Variants in PBX1 observed in about 807,000 individuals in gnomAD.
PBX1 encodes PBX homeobox 1, also known as pre-B-cell leukemia transcription factor 1.
Under a neutral mutation model 53.4 loss-of-function variants are expected in PBX1, and 6 were observed. The observed-to-expected ratio is 0.11, with a 90% CI of 0.06 to 0.22. PBX1 has a LOEUF of 0.22. PBX1 is among the 10% of genes least tolerant of loss of function. PBX1 has a pLI of 1.00. For synonymous variants in PBX1, 204 were observed against 212.3 expected (o/e 0.96, Z 0.34); for missense variants, 251 against 551.4 (o/e 0.46, Z 5.46).
intron 2 of PBX1, among the ~76,000 whole-genome samples, chr1:164,872,215 A>G (rs923288651): frequency 2.6e-4 from 39 of 152,194 alleles, no homozygotes; most frequent in Admixed American, 2.5e-3. Flanking sequence ...TTCACAGGCA[A>G]TCCTGCAGCC....
chr1:164,700,349 C>G, intron 2 of PBX1: 2 of 587,866 alleles, frequency 3.4e-6, no homozygotes, highest in Non-Finnish European at 4.3e-6. Flanking sequence ...GCCAGGATTG[C>G]TGGGTTATGG....
At chr1:164,825,802 T>G (rs993082698) in intron 8 of PBX1, among the ~76,000 whole-genome samples, 3 of 152,204 alleles carry the variant, frequency 2.0e-5, no homozygotes, top group African/African-American at 7.2e-5. Flanking sequence ...TCCCTGTGTT[T>G]CTATACTAAA....
intron 2 of PBX1, among the ~76,000 whole-genome samples, chr1:164,656,073 T>C (rs957472714): frequency 6.6e-6 from 1 of 152,190 alleles, no homozygotes; most frequent in African/African-American, 2.4e-5. Flanking sequence ...GAAATGATAT[T>C]TTTAAAAGAG....
intron 2 of PBX1, among the ~76,000 whole-genome samples, chr1:164,689,055 G>A (rs766605288): frequency 1.3e-5 from 2 of 152,222 alleles, no homozygotes; most frequent in Non-Finnish European, 2.9e-5. Context: ...GGCTCCTATC[G>A]AGCTGGGGAA....
chr1:164,580,901 C>G (rs774148463), intron 2 of PBX1, among the ~76,000 whole-genome samples: 7 of 152,094 alleles, frequency 4.6e-5, no homozygotes, highest in Non-Finnish European at 1.0e-4. Context: ...TGACTTCTTT[C>G]AGGTAACAAG....
intron 2 of PBX1, among the ~76,000 whole-genome samples, chr1:164,710,502 C>T (rs1457815168): frequency 6.6e-6 from 1 of 152,118 alleles, no homozygotes; most frequent in East Asian, 1.9e-4. Context: ...ACCTCCACCT[C>T]CTGGGTTCAA....
chr1:164,648,335 A>G (rs1659589724), intron 2 of PBX1, among the ~76,000 whole-genome samples: 1 of 152,194 alleles, frequency 6.6e-6, no homozygotes. Context: ...AGTGTAGCCC[A>G]TTTGGCTTGT....
At position 164,847,099 on chromosome 1, in the gene PBX1, T is replaced by G; in HGVS notation, c.*423T>G. The G allele has an allele frequency of 9.1e-7, 1 of 1,093,996 alleles. No homozygotes were observed. The highest frequency in any genetic ancestry group is 4.4e-5 in the East Asian group (1 of 22,848). The allele number at this position is 1,093,996 out of a possible 1,614,324, so 67.8% of individuals were successfully genotyped here. ...TGCTGGTGGTTTGAGGAGCCAAATT[T>G]ACCTCACTCGAATCCCTCACTCCCT... On this transcript the variant is annotated 3_prime_UTR_variant, in exon 9 of 9. Transcript: ENST00000420696.
intron 8 of PBX1, chr1:164,828,503 C>T (rs1252821030): frequency 2.0e-5 from 3 of 152,294 alleles, no homozygotes; most frequent in Middle Eastern, 3.4e-3. Context: ...GAGATGACAG[C>T]GTATGCTATG....
Position 164,846,755 on chromosome 1 carries a change from T to C in PBX1, c.*79T>C, listed in dbSNP as rs1558042889. The C allele has an allele frequency of 1.9e-6, 3 of 1,610,804 alleles. No homozygotes were observed. The highest frequency in any genetic ancestry group is 2.5e-6 in the Non-Finnish European group (3 of 1,178,710). ...GGAGGGAGGGTTTCTCTCCCAACGC[T>C]GAAGCGGTCAGACTGGAGGTCGAAG... On this transcript the variant is annotated 3_prime_UTR_variant, in exon 9 of 9. Coordinates refer to ENST00000420696, the MANE Select transcript of PBX1 (RefSeq NM_002585.4).
rs529421679 is a variant in PBX1, at chr1:164,821,646, C to T, written c.1200+20C>T. 97 of 1,589,476 alleles carry T rather than the reference C, an allele frequency of 6.1e-5. 1 individual carries two copies. In the South Asian group the frequency reaches 9.1e-4, roughly 15 times the overall value. On this transcript the variant is annotated intron_variant, in intron 8 of 8. Transcript: ENST00000420696. ...ATCAGTGTAAGAAAACAAGCCCCCCCACCCCCTGCTTTGTTTTTATTCTTT... is the reference window on the plus strand; with the variant it reads ...ATCAGTGTAAGAAAACAAGCCCCCCTACCCCCTGCTTTGTTTTTATTCTTT...
At chr1:164,753,828 C>T (rs1187469716) in intron 2 of PBX1, among the ~76,000 whole-genome samples, 1 of 152,096 alleles carries the variant, frequency 6.6e-6, no homozygotes, top group African/African-American at 2.4e-5. Flanking sequence ...CCGGCAGTTT[C>T]CCAAAGGAAT....
rs1451308687 is a variant in PBX1 at position 164,559,335 on chromosome 1, G to T, written c.-488G>T. On this transcript the variant is annotated 5_prime_UTR_variant, in exon 1 of 9. Transcript: ENST00000420696. ...GATCACTCTGGCCCGGAGTGGGGGT[G>T]GGGGGCAGCGGGGGGTGGGGGGGGA... 4.9e-6 allele frequency: 1 copy of T among 202,146 alleles called. No homozygotes were observed. The highest frequency in any genetic ancestry group is 1.0e-5 in the Non-Finnish European group (1 of 98,540). The allele number at this position is 202,146 out of a possible 1,614,324, so 12.5% of individuals were successfully genotyped here.
intron 2 of PBX1, among the ~76,000 whole-genome samples, chr1:164,704,676 A>G (rs1663328071): frequency 6.6e-6 from 1 of 152,088 alleles, no homozygotes; most frequent in Non-Finnish European, 1.5e-5. Context: ...AGATGTGTTT[A>G]TTTTTCACTG....
intron 2 of PBX1, among the ~76,000 whole-genome samples, chr1:164,614,061 A>C (rs78218659): frequency 6.0e-4 from 92 of 152,328 alleles, no homozygotes; most frequent in African/African-American, 2.1e-3. Context: ...GGGGAAGCAG[A>C]AGCACAAAGC....
At chr1:164,746,387 T>C (rs1665893468) in intron 2 of PBX1, among the ~76,000 whole-genome samples, 1 of 152,192 alleles carries the variant, frequency 6.6e-6, no homozygotes, top group African/African-American at 2.4e-5. Flanking sequence ...TTCTTCTTCT[T>C]CTTCTTCAAG....
At chr1:164,627,155 T>C (rs1273600848) in intron 2 of PBX1, among the ~76,000 whole-genome samples, 2 of 152,162 alleles carry the variant, frequency 1.3e-5, no homozygotes, top group African/African-American at 4.8e-5. Flanking sequence ...CAGCAAAATG[T>C]ACTTGGAGCA....
chr1:164,790,190 G>A (rs1172810049), intron 2 of PBX1, among the ~76,000 whole-genome samples: 4 of 152,150 alleles, frequency 2.6e-5, no homozygotes, highest in Non-Finnish European at 5.9e-5. Context: ...ACCTTTGTTA[G>A]TGGCAATTTG....
intron 8 of PBX1, among the ~76,000 whole-genome samples, chr1:164,822,143 C>T (rs551029131): frequency 1.8e-4 from 28 of 152,122 alleles, no homozygotes; most frequent in Admixed American, 1.3e-4. Context: ...TTCTTGGGTA[C>T]GCTGGCGGCT....
Sources: gnomAD v4.1 joint callset for allele counts (sites outside exome capture counted in the v4.1 genomes callset) on GRCh38, gnomAD v4.1.1 for gene constraint, MANE v1.5 for transcripts, NCBI Gene and HGNC (gene_info 2026-07-23, HGNC 2026-07-21) for gene names.